Variants in KBTBD12 observed in about 807,000 individuals in gnomAD.
KBTBD12 encodes the protein kelch repeat and BTB domain containing 12, also known as kelch repeat and BTB domain-containing protein 12.
In KBTBD12, 53 loss-of-function variants were observed where a neutral mutation model predicts 58.7. The ratio of observed to expected loss-of-function variants is 0.90; its 90% CI spans 0.72 to 1.14. KBTBD12 has a LOEUF of 1.14. Among genes scored for constraint, KBTBD12 ranks in the 50% most tolerant of loss-of-function variants. The pLI, the probability that KBTBD12 is intolerant of heterozygous loss-of-function variation, is 0.00. For synonymous variants in KBTBD12, 236 were observed against 259.8 expected, an observed-to-expected ratio of 0.91 and a Z score of 0.88; for missense variants, 704 against 751.3, an observed-to-expected ratio of 0.94 and a Z score of 0.74.
intron 4 of KBTBD12, among the ~76,000 whole-genome samples, chr3:127,949,796 T>C (rs1313857197): frequency 6.6e-6 from 1 of 152,218 alleles, no homozygotes; most frequent in East Asian, 1.9e-4. Context: ...GCTGCTGCTC[T>C]TCTCTATTCC....
intron 4 of KBTBD12, among the ~76,000 whole-genome samples, chr3:127,952,418 G>GT (rs1553713429): frequency 6.6e-6 from 1 of 152,044 alleles, no homozygotes; most frequent in Non-Finnish European, 1.5e-5. Flanking sequence ...GGTTTCATGG[G>GT]TTTTTTTCCT....
At chr3:127,958,533 C>T (rs756687125) in intron 4 of KBTBD12, among the ~76,000 whole-genome samples, 1 of 152,132 alleles carries the variant, frequency 6.6e-6, no homozygotes, top group Non-Finnish European at 1.5e-5. Context: ...CACAAAAGCC[C>T]GGGTATCACT....
intron 5 of KBTBD12, among the ~76,000 whole-genome samples, chr3:127,980,872 A>G (rs976044858): frequency 1.3e-5 from 2 of 152,218 alleles, no homozygotes; most frequent in African/African-American, 2.4e-5. Flanking sequence ...TCAAAATCAT[A>G]CAAATTCTAT....
chr3:127,918,277 A>G (rs763157794), intron 1 of KBTBD12, among the ~76,000 whole-genome samples: 13 of 152,246 alleles, frequency 8.5e-5, no homozygotes, highest in Non-Finnish European at 1.9e-4. Flanking sequence ...TGCAGCAACC[A>G]CAGTGTACAC....
intron 4 of KBTBD12, among the ~76,000 whole-genome samples, chr3:127,950,098 T>C (rs1576383800): frequency 6.6e-6 from 1 of 152,216 alleles, no homozygotes. Flanking sequence ...CTTTTATTAC[T>C]TTTTCAGTTT....
At chr3:127,941,428 A>G (rs553576210) in intron 4 of KBTBD12, among the ~76,000 whole-genome samples, 17 of 152,308 alleles carry the variant, frequency 1.1e-4, no homozygotes, top group Non-Finnish European at 1.9e-4. Flanking sequence ...AAAGCCACAT[A>G]ATCACATCAA....
chr3:127,971,432 G>C (rs1351020799), intron 5 of KBTBD12, among the ~76,000 whole-genome samples: 1 of 152,176 alleles, frequency 6.6e-6, no homozygotes, highest in Non-Finnish European at 1.5e-5. Flanking sequence ...AGAGGGCTCA[G>C]CCTTCTCCCT....
intron 4 of KBTBD12, among the ~76,000 whole-genome samples, chr3:127,960,747 CAG>C (rs1940422959): frequency 6.6e-6 from 1 of 152,208 alleles, no homozygotes; most frequent in Non-Finnish European, 1.5e-5. Flanking sequence ...GAAACAAAGA[CAG>C]AGCACGCTGT....
intron 5 of KBTBD12, among the ~76,000 whole-genome samples, chr3:127,972,221 A>G (rs1266530118): frequency 6.6e-6 from 1 of 152,222 alleles, no homozygotes; most frequent in Admixed American, 6.5e-5. Context: ...GAAGCCATCT[A>G]AAGAAGTCAA....
At chr3:127,924,560 ACTG>A (rs1176260225) in intron 2 of KBTBD12, among the ~76,000 whole-genome samples, 2 of 151,898 alleles carry the variant, frequency 1.3e-5, no homozygotes, top group Admixed American at 6.6e-5. Flanking sequence ...GGTTTAATAT[ACTG>A]CTTTGTTTTT....
At position 127,930,296 on chromosome 3, in the gene KBTBD12, A is replaced by T; in HGVS notation, c.1492+13A>T. ...ATTTATGTTTTGGGTAAGAAGAAGCAGATTGCTAACAGTATAACTACTTTT... is the reference window on the plus strand; with the variant it reads ...ATTTATGTTTTGGGTAAGAAGAAGCTGATTGCTAACAGTATAACTACTTTT... On this transcript the variant is annotated intron_variant, in intron 4 of 5. Transcript: ENST00000405109. 1 of 1,609,564 alleles carries T rather than the reference A, an allele frequency of 6.2e-7. No homozygotes were observed. The highest frequency in any genetic ancestry group is 8.5e-7 in the Non-Finnish European group (1 of 1,177,620).
chr3:127,974,478 T>C (rs1383282685), intron 5 of KBTBD12, among the ~76,000 whole-genome samples: 1 of 152,156 alleles, frequency 6.6e-6, no homozygotes, highest in Non-Finnish European at 1.5e-5. Context: ...AACAGGTTTC[T>C]GTATGGGCCA....
Position 127,923,296 on chromosome 3 carries a change from G to A in KBTBD12, c.235G>A (p.Ala79Thr), listed in dbSNP as rs1352209837. 1 of 1,613,706 alleles carries A rather than the reference G, an allele frequency of 6.2e-7. No homozygotes were observed. Among genetic ancestry groups the A allele is most frequent in the African/African-American group, 1.3e-5 (1 of 75,048 alleles). Reference sequence around the variant, plus strand: ...GGAAGTCATACTTTATGACATCACAGCAGAAAGTGTGTCGGTGTTATTAAA... The same window carrying A: ...GGAAGTCATACTTTATGACATCACAACAGAAAGTGTGTCGGTGTTATTAAA... Reference protein sequence around the residue: ...QREVILYDITAESVSVLLNYM... With the variant: ...QREVILYDITTESVSVLLNYM... Residue 79 changes from alanine to threonine, a missense_variant, in exon 2 of 6, where the codon GCA (alanine) becomes ACA (threonine). Ala to Thr is a moderately conservative substitution (Grantham distance 58). Transcript: ENST00000405109.
chr3:127,938,735 G>C (rs1939880270), intron 4 of KBTBD12, among the ~76,000 whole-genome samples: 1 of 152,138 alleles, frequency 6.6e-6, no homozygotes, highest in South Asian at 2.1e-4. Context: ...TGGTATAGCT[G>C]TTTATTAATA....
chr3:127,982,443 A>G (rs866765972), intron 5 of KBTBD12, among the ~76,000 whole-genome samples: 4 of 152,072 alleles, frequency 2.6e-5, no homozygotes, highest in African/African-American at 4.8e-5. Context: ...GCACCAGGCA[A>G]CTAGAGACCA....
intron 5 of KBTBD12, among the ~76,000 whole-genome samples, chr3:127,967,214 G>A (rs769687859): frequency 1.3e-5 from 2 of 152,226 alleles, no homozygotes; most frequent in Admixed American, 6.5e-5. Flanking sequence ...AAAGCAGGCC[G>A]AAAGAGTGGC....
chr3:127,953,081 C>T (rs1940241547), intron 4 of KBTBD12, among the ~76,000 whole-genome samples: 1 of 152,136 alleles, frequency 6.6e-6, no homozygotes, highest in Admixed American at 6.5e-5. Context: ...TTAACTCATG[C>T]AGTTGTTGCA....
rs987775288 is a variant in KBTBD12 at position 127,985,811 on chromosome 3, A to T, written c.*1533A>T. 6.6e-6 allele frequency: 1 copy of T among 152,296 alleles called. No individual in the cohort carries two copies. Among genetic ancestry groups the T allele is most frequent in the Non-Finnish European group, 1.5e-5 (1 of 68,102 alleles). 9.4% of individuals were successfully genotyped at this position (152,296 alleles called of 1,614,324 possible). A position where few individuals can be genotyped will look rare whatever the true frequency, so the allele number is the denominator to read the frequency against. ...CCCAAGTGCACTCACAGTACCTGGC[A>T]TGTGGGTGACCTCTTGGGTGGCCGG... On this transcript the variant is annotated 3_prime_UTR_variant, in exon 6 of 6. Coordinates refer to ENST00000405109, the MANE Select transcript of KBTBD12 (RefSeq NM_207335.4).
At chr3:127,950,613 G>A (rs1257905563) in intron 4 of KBTBD12, among the ~76,000 whole-genome samples, 1 of 152,174 alleles carries the variant, frequency 6.6e-6, no homozygotes, top group Non-Finnish European at 1.5e-5. Context: ...ACCCAGCGAT[G>A]AAAGATGCGC....
Sources: allele counts gnomAD v4.1 joint callset (sites outside exome capture counted in the v4.1 genomes callset), GRCh38; gene constraint gnomAD v4.1.1; transcripts MANE v1.5; gene names NCBI Gene and HGNC (gene_info 2026-07-23, HGNC 2026-07-21).